Variants in TMPRSS11D observed in about 807,000 individuals in gnomAD.
The protein encoded by TMPRSS11D is transmembrane protease serine 11D.
In TMPRSS11D, 32 loss-of-function variants were observed where a neutral mutation model predicts 44.4. The ratio of observed to expected loss-of-function variants is 0.72; its 90% CI spans 0.54 to 0.97. TMPRSS11D has a LOEUF of 0.97. TMPRSS11D is among the 50% of genes least tolerant of loss of function. The pLI, the probability that TMPRSS11D is intolerant of heterozygous loss-of-function variation, is 0.00. For synonymous variants in TMPRSS11D, 179 were observed against 177.9 expected (o/e 1.01, Z -0.05); for missense variants, 446 against 502.6 (o/e 0.89, Z 1.08).
At chr4:67,843,224 C>T (rs1239869824) in intron 3 of TMPRSS11D, among the ~76,000 whole-genome samples, 5 of 148,338 alleles carry the variant, frequency 3.4e-5, no homozygotes, top group African/African-American at 7.5e-5. Context: ...ACTATGTTGT[C>T]CAGGCTGGCC....
In TMPRSS11D at chr4:67,870,982, GTTCC is replaced by G. The variant is rs140452473; in HGVS notation, c.9-11308_9-11305del. ...GCTCCATAAAGGTGAGGATTTTTAT[GTTCC>G]TTCCTTCCTACCAACTCATTAATAA... On this transcript the variant is annotated intron_variant, in intron 1 of 9. Coordinates refer to ENST00000283916, the MANE Select transcript of TMPRSS11D (RefSeq NM_004262.3). 3.3e-3 allele frequency among the ~76,000 whole-genome samples: 506 copies of G among 152,222 alleles called. 2 individuals carry two copies. The highest frequency in any genetic ancestry group is 0.011 in the African/African-American group (474 of 41,530).
chr4:67,873,945 A>G (rs910457674), intron 1 of TMPRSS11D, among the ~76,000 whole-genome samples: 3 of 152,178 alleles, frequency 2.0e-5, no homozygotes, highest in Admixed American at 1.3e-4. Flanking sequence ...TACTGACCCT[A>G]TTATAGAACT....
intron 7 of TMPRSS11D, 117 bp downstream of exon 7, chr4:67,833,087 A>G: frequency 9.9e-7 from 1 of 1,006,146 alleles, no homozygotes; most frequent in South Asian, 4.6e-5. Flanking sequence ...GAAAATTCTT[A>G]CTGATTTTTT....
At chr4:67,869,569 CACAG>C (rs1490231545) in intron 1 of TMPRSS11D, among the ~76,000 whole-genome samples, 20 of 152,124 alleles carry the variant, frequency 1.3e-4, no homozygotes, top group Admixed American at 1.0e-3. Flanking sequence ...AGACTAAAAA[CACAG>C]ACAGTGATTT....
chr4:67,847,430 GT>G (rs1321198231), intron 3 of TMPRSS11D, among the ~76,000 whole-genome samples: 3 of 152,154 alleles, frequency 2.0e-5, no homozygotes, highest in African/African-American at 7.2e-5. Flanking sequence ...TTTAAAATTT[GT>G]TTTTGTTTTG....
At chr4:67,836,906 T>C (rs1441177765) in intron 5 of TMPRSS11D, among the ~76,000 whole-genome samples, 4 of 152,160 alleles carry the variant, frequency 2.6e-5, no homozygotes, top group African/African-American at 9.7e-5. Context: ...TCTCAAAATA[T>C]GTAAATCCTA....
chr4:67,833,442 C>T (rs1278767238), intron 6 of TMPRSS11D, 61 bp from the exon 7 acceptor site: 1 of 1,332,072 alleles, frequency 7.5e-7, no homozygotes, highest in African/African-American at 1.5e-5. Flanking sequence ...TTGGAAGAAG[C>T]TGAAGAGTCT....
chr4:67,833,938 G>A (rs1718009367), intron 6 of TMPRSS11D, among the ~76,000 whole-genome samples: 1 of 152,152 alleles, frequency 6.6e-6, no homozygotes, highest in Non-Finnish European at 1.5e-5. Flanking sequence ...GTAGAATCCA[G>A]TCCACCTCCA....
chr4:67,856,023 A>G (rs1351612481), intron 2 of TMPRSS11D, among the ~76,000 whole-genome samples: 3 of 152,204 alleles, frequency 2.0e-5, no homozygotes, highest in Non-Finnish European at 4.4e-5. Flanking sequence ...TTCCTTGCTC[A>G]TGGATTGAAA....
chr4:67,852,515 C>T (rs977095053), intron 3 of TMPRSS11D, among the ~76,000 whole-genome samples: 2 of 152,156 alleles, frequency 1.3e-5, no homozygotes, highest in African/African-American at 2.4e-5. Context: ...TCAGTGAGAA[C>T]CATCACAGCT....
At chr4:67,824,750 C>T (rs373432142) in intron 9 of TMPRSS11D, among the ~76,000 whole-genome samples, 21 of 151,982 alleles carry the variant, frequency 1.4e-4, no homozygotes, top group Admixed American at 2.0e-4. Flanking sequence ...CCTTTTGATG[C>T]GAAGAATAAT....
intron 1 of TMPRSS11D, among the ~76,000 whole-genome samples, chr4:67,879,024 T>C (rs1220352092): frequency 6.6e-6 from 1 of 152,286 alleles, no homozygotes; most frequent in East Asian, 1.9e-4. Flanking sequence ...TTTTGCCATA[T>C]GATATTAAAA....
chr4:67,855,129 C>T (rs1718603234), intron 2 of TMPRSS11D, among the ~76,000 whole-genome samples: 1 of 151,946 alleles, frequency 6.6e-6, no homozygotes, highest in Admixed American at 6.6e-5. Flanking sequence ...GTGGCAGGCG[C>T]CTGTAATCTC....
intron 1 of TMPRSS11D, among the ~76,000 whole-genome samples, chr4:67,864,775 CAAAG>C (rs1473121285): frequency 2.0e-5 from 3 of 151,556 alleles, no homozygotes; most frequent in African/African-American, 4.8e-5. Context: ...TAAAAAAAGA[CAAAG>C]AAAGTTATTA....
At chr4:67,836,090 A>C (rs1267892510) in intron 5 of TMPRSS11D, among the ~76,000 whole-genome samples, 1 of 152,048 alleles carries the variant, frequency 6.6e-6, no homozygotes, top group Non-Finnish European at 1.5e-5. Flanking sequence ...AATTTTCTCA[A>C]ACTCCTCCTT....
intron 5 of TMPRSS11D, among the ~76,000 whole-genome samples, chr4:67,836,774 T>G (rs866027854): frequency 2.8e-4 from 43 of 152,316 alleles, no homozygotes; most frequent in African/African-American, 9.4e-4. Context: ...ATGGTGTGAA[T>G]GATGAACACT....
intron 3 of TMPRSS11D, among the ~76,000 whole-genome samples, chr4:67,844,311 A>T (rs1008887499): frequency 1.3e-5 from 2 of 152,234 alleles, no homozygotes; most frequent in Non-Finnish European, 2.9e-5. Context: ...TCACTCCTAT[A>T]GGATGATTGA....
intron 7 of TMPRSS11D, among the ~76,000 whole-genome samples, chr4:67,827,943 C>A (rs1717844812): frequency 6.6e-6 from 1 of 151,676 alleles, no homozygotes; most frequent in African/African-American, 2.4e-5. Flanking sequence ...CCAGGAGCTC[C>A]ATTTAAATAG....
chr4:67,850,624 C>T (rs945570782), intron 3 of TMPRSS11D, among the ~76,000 whole-genome samples: 1 of 151,936 alleles, frequency 6.6e-6, no homozygotes, highest in Non-Finnish European at 1.5e-5. Context: ...GGTGACAGCC[C>T]CAAAAGAGAA....
Sources: gnomAD v4.1 joint callset for allele counts (sites outside exome capture counted in the v4.1 genomes callset) on GRCh38, gnomAD v4.1.1 for gene constraint, MANE v1.5 for transcripts, NCBI Gene and HGNC (gene_info 2026-07-23, HGNC 2026-07-21) for gene names.